The following ALKBH3 variants were observed in gnomAD, a reference collection of about 807,000 sequenced individuals.
ALKBH3 encodes the protein alpha-ketoglutarate-dependent dioxygenase alkB homolog 3.
ALKBH3 carries 51 observed loss-of-function variants against 43.9 expected under a neutral mutation model. The observed-to-expected ratio is 1.16, with a 90% CI of 0.93 to 1.47. The LOEUF is 1.47. ALKBH3 is among the 40% of genes most tolerant of loss of function. ALKBH3 has a pLI of 0.00. For synonymous variants in ALKBH3, 102 were observed against 115.2 expected (o/e 0.89, Z 0.73); for missense variants, 361 against 351.9 (o/e 1.03, Z -0.21).
intron 2 of ALKBH3, 89 bp from the exon 3 acceptor site, chr11:43,882,996 T>C: frequency 9.4e-7 from 1 of 1,058,392 alleles, no homozygotes; most frequent in Non-Finnish European, 1.4e-6. Context: ...AGAGATCATC[T>C]CCAAGTGGGC....
chr11:43,920,100 T>C lies in ALKBH3; in HGVS notation c.*90T>C. On this transcript the variant is annotated 3_prime_UTR_variant, in exon 10 of 10. Coordinates refer to ENST00000302708, the MANE Select transcript of ALKBH3 (RefSeq NM_139178.4). ...AAGAGGCTGGTGCTGCTAGATCTCA[T>C]GATGTGGCTGTTGGGAAGATGGTGG... The C allele has an allele frequency of 8.2e-7, 1 of 1,222,618 alleles. No homozygotes were observed. 75.7% of individuals were successfully genotyped at this position (1,222,618 alleles called of 1,614,324 possible).
At chr11:43,907,078 A>G (rs1487886111) in intron 8 of ALKBH3, among the ~76,000 whole-genome samples, 3 of 152,222 alleles carry the variant, frequency 2.0e-5, no homozygotes, top group Admixed American at 2.0e-4. Context: ...AATGGCATTC[A>G]TTGAAAGAGT....
intron 8 of ALKBH3, chr11:43,912,262 C>T (rs1450083831): frequency 6.6e-6 from 1 of 152,238 alleles, no homozygotes; most frequent in African/African-American, 2.4e-5. Context: ...AAACTCCTTA[C>T]CCAGATTGCC....
intron 8 of ALKBH3, among the ~76,000 whole-genome samples, chr11:43,905,630 G>T (rs1279067115): frequency 6.6e-6 from 1 of 152,126 alleles, no homozygotes; most frequent in African/African-American, 2.4e-5. Context: ...AAGACTAAGT[G>T]AAGGGCACCT....
chr11:43,890,127 T>C (rs1951773109), intron 6 of ALKBH3, among the ~76,000 whole-genome samples: 1 of 142,240 alleles, frequency 7.0e-6, no homozygotes, highest in African/African-American at 2.5e-5. Flanking sequence ...CTTTTGTGTT[T>C]GTTCACTGAC....
chr11:43,889,173 A>G (rs1464145112), intron 5 of ALKBH3, among the ~76,000 whole-genome samples: 1 of 152,190 alleles, frequency 6.6e-6, no homozygotes, highest in East Asian at 1.9e-4. Context: ...AACTACAGGC[A>G]TGCGCCACCA....
At chr11:43,915,662 AG>A (rs58674731) in intron 8 of ALKBH3, among the ~76,000 whole-genome samples, 89,478 of 152,014 alleles carry the variant, frequency 0.59, 27,176 homozygotes, top group East Asian at 0.84. Context: ...GTTTAAAGGA[AG>A]GATATGTTCA....
At chr11:43,898,228 C>G in intron 7 of ALKBH3, 1 of 979,138 alleles carries the variant, frequency 1.0e-6, no homozygotes, top group Non-Finnish European at 1.6e-6. Context: ...CGGGTGGCTC[C>G]AGGAGACCCA....
At chr11:43,907,008 A>G (rs1288179690) in intron 8 of ALKBH3, among the ~76,000 whole-genome samples, 4 of 152,240 alleles carry the variant, frequency 2.6e-5, no homozygotes, top group African/African-American at 9.6e-5. Flanking sequence ...CTTTTCAGAT[A>G]TGGAAACTGA....
chr11:43,883,137 C>T lies in ALKBH3; in HGVS notation c.132C>T (p.Asn44=). 4 of 1,614,112 alleles carry T rather than the reference C, an allele frequency of 2.5e-6. No individual in the cohort carries two copies. Among genetic ancestry groups the T allele is most frequent in the Non-Finnish European group, 3.4e-6 (4 of 1,180,006 alleles). ...AGAAGCCTGGCCAGACCTGGAAGAA[C>T]AAAGAGCATCATCTCTCTGACAGAG... ...LHQKPGQTWK[N]KEHHLSDREF... is the part of the protein sequence containing the mutation. Residue 44 remains asparagine (N), a synonymous_variant, in exon 3 of 10, where the codon AAC becomes AAT. Coordinates refer to ENST00000302708, the MANE Select transcript of ALKBH3 (RefSeq NM_139178.4).
intron 7 of ALKBH3, chr11:43,899,204 G>A (rs543245583): frequency 2.6e-6 from 2 of 771,522 alleles, no homozygotes; most frequent in Admixed American, 3.5e-5. Flanking sequence ...GCAGCTCATA[G>A]ACAAAGTCTG....
chr11:43,892,154 A>G (rs752442550), intron 7 of ALKBH3, 25 bp downstream of exon 7: 9 of 1,556,228 alleles, frequency 5.8e-6, no homozygotes, highest in Non-Finnish European at 8.0e-6. Context: ...TGTCATTGGT[A>G]TGGTTTTATA....
rs769909784 is a variant in ALKBH3 at position 43,919,026 on chromosome 11, G to T, written c.670-12G>T. On this transcript the variant is annotated splice_polypyrimidine_tract_variant and intron_variant, in intron 8 of 9. Coordinates refer to ENST00000302708, the MANE Select transcript of ALKBH3 (RefSeq NM_139178.4). ...AGGCAAAACATTTATTACAACAAAT[G>T]CTGTTTTCTAGGAAGAGAATGGAGA... The T allele has an allele frequency of 1.4e-4, 216 of 1,584,988 alleles. No homozygotes were observed. Among genetic ancestry groups the T allele is most frequent in the Non-Finnish European group, 1.7e-4 (198 of 1,154,088 alleles).
intron 7 of ALKBH3, chr11:43,899,596 A>G: frequency 1.8e-6 from 1 of 560,790 alleles, no homozygotes; most frequent in Middle Eastern, 5.5e-4. Flanking sequence ...TGCAGAGGAG[A>G]TGGCCGCCCC....
rs776831078 is a variant in ALKBH3, at chr11:43,920,043, A to G, written c.*33A>G. 22 of 1,581,616 alleles carry G rather than the reference A, an allele frequency of 1.4e-5. No homozygotes were observed. Among genetic ancestry groups the G allele is most frequent in the Non-Finnish European group, 1.9e-5 (22 of 1,151,240 alleles). On this transcript the variant is annotated 3_prime_UTR_variant, in exon 10 of 10. Transcript: ENST00000302708. ...GCTTTGAGAGAGAAGCTTCACTGAAACGGAGCAAACCTTCCACTGAGAAGC... is the reference window on the plus strand; with the variant it reads ...GCTTTGAGAGAGAAGCTTCACTGAAGCGGAGCAAACCTTCCACTGAGAAGC...
chr11:43,911,508 G>C (rs961089934), intron 8 of ALKBH3, among the ~76,000 whole-genome samples: 7 of 152,206 alleles, frequency 4.6e-5, no homozygotes, highest in African/African-American at 1.7e-4. Flanking sequence ...CTGGAGTTCA[G>C]ACAACAGGCC....
intron 7 of ALKBH3, among the ~76,000 whole-genome samples, chr11:43,895,882 G>C (rs1951815156): frequency 6.6e-6 from 1 of 152,184 alleles, no homozygotes; most frequent in Admixed American, 6.6e-5. Flanking sequence ...TGATGAAGTA[G>C]TAAACATTAT....
intron 8 of ALKBH3, among the ~76,000 whole-genome samples, chr11:43,902,984 A>G (rs536835248): frequency 8.5e-5 from 13 of 152,362 alleles, no homozygotes; most frequent in African/African-American, 3.1e-4. Context: ...CCATAAGAAT[A>G]CAGTTAACAG....
At chr11:43,912,430 G>T (rs1951947305) in intron 8 of ALKBH3, 1 of 152,196 alleles carries the variant, frequency 6.6e-6, no homozygotes, top group Non-Finnish European at 1.5e-5. Flanking sequence ...CTTTCCTGAT[G>T]CCTCCAGTGC....
Sources: allele counts gnomAD v4.1 joint callset (sites outside exome capture counted in the v4.1 genomes callset), GRCh38; gene constraint gnomAD v4.1.1; transcripts MANE v1.5; gene names NCBI Gene and HGNC (gene_info 2026-07-23, HGNC 2026-07-21).